The following FRMPD4 variants were observed in gnomAD, a reference collection of about 807,000 sequenced individuals.
FRMPD4 encodes FERM and PDZ domain-containing protein 4.
Under a neutral mutation model 94.1 loss-of-function variants are expected in FRMPD4, and 22 were observed. The observed-to-expected ratio is 0.23, with a 90% confidence interval of 0.17 to 0.33. The LOEUF (loss-of-function observed/expected upper bound fraction) is 0.33, where lower values mean the gene tolerates loss of function less well. Among genes scored for constraint, FRMPD4 ranks in the 10% least tolerant of loss-of-function variants. The pLI is 1.00. For missense variants in FRMPD4, 1,111 were observed against 1,339.9 expected, an observed-to-expected ratio of 0.83 and a Z score of 2.67; for synonymous variants, 631 against 548.6, an observed-to-expected ratio of 1.15 and a Z score of -2.10.
intron 3 of FRMPD4, among the ~76,000 whole-genome samples, chrX:11,963,238 C>A (rs1363424563): frequency 8.9e-6 from 1 of 112,406 alleles, no homozygotes; most frequent in Non-Finnish European, 1.9e-5. Flanking sequence ...TGTCCTCATG[C>A]ATATTCTTGT....
At chrX:12,024,400 G>A (rs917434101) in intron 3 of FRMPD4, among the ~76,000 whole-genome samples, 2 of 112,079 alleles carry the variant, frequency 1.8e-5, no homozygotes, top group Non-Finnish European at 3.8e-5. Flanking sequence ...GTCACTCAGA[G>A]AGTGAAGTTT....
intron 1 of FRMPD4, among the ~76,000 whole-genome samples, chrX:12,323,913 G>A (rs2055247641): frequency 8.9e-6 from 1 of 111,907 alleles, no homozygotes; most frequent in Admixed American, 9.5e-5. Flanking sequence ...GGAGGATGCT[G>A]TGTTTGAATC....
chrX:12,439,202 C>T (rs192686093), intron 1 of FRMPD4, among the ~76,000 whole-genome samples: 1 of 111,100 alleles, frequency 9.0e-6, no homozygotes, highest in Non-Finnish European at 1.9e-5. Flanking sequence ...TGTATGCAGC[C>T]GTTGCCTCAC....
intron 1 of FRMPD4, among the ~76,000 whole-genome samples, chrX:12,493,676 A>C (rs1451417794): frequency 8.9e-6 from 1 of 112,247 alleles, no homozygotes; most frequent in Admixed American, 9.5e-5. Context: ...CTATTAGGCT[A>C]GTTATACACC....
Position 12,717,947 on chromosome X carries a change from A to G in FRMPD4, c.3121A>G (p.Asn1041Asp), listed in dbSNP as rs754412640. The change falls in exon 16 of 17, where the codon AAT becomes GAT. Residue 1041 changes from asparagine (N) to aspartate (D), a missense_variant. By Grantham distance (23) the Asn-to-Asp change is conservative. Coordinates refer to ENST00000675598, the MANE Select transcript of FRMPD4 (RefSeq NM_001368397.1). ...LADGEGKAPPNGNTTGKKQQG... is the reference protein window; with the variant it reads ...LADGEGKAPPDGNTTGKKQQG... ...CGATGGTGAGGGGAAGGCACCCCCT[A>G]ATGGGAACACAACAGGAAAAAAACA... The G allele has an allele frequency of 8.3e-7, 1 of 1,211,225 alleles. No homozygotes were observed. The highest frequency in any genetic ancestry group is 1.8e-5 in the South Asian group (1 of 56,983).
At chrX:12,664,903 G>A (rs1000226109) in intron 4 of FRMPD4, among the ~76,000 whole-genome samples, 2 of 111,812 alleles carry the variant, frequency 1.8e-5, no homozygotes, top group Non-Finnish European at 3.8e-5. Context: ...TCTATTCCGA[G>A]ATTCGACATC....
At chrX:12,160,724 A>G (rs886912483) in intron 1 of FRMPD4, among the ~76,000 whole-genome samples, 11 of 111,643 alleles carry the variant, frequency 9.9e-5, no homozygotes, top group Non-Finnish European at 1.7e-4. Flanking sequence ...ATTCTTTAGA[A>G]TATCCCTGTG....
At chrX:11,855,015 G>A (rs1052348978) in intron 1 of FRMPD4, among the ~76,000 whole-genome samples, 2 of 111,770 alleles carry the variant, frequency 1.8e-5, no homozygotes, top group African/African-American at 3.2e-5. Context: ...TTGGACAACC[G>A]GGCATTTCCA....
At chrX:12,016,626 G>A (rs1444236138) in intron 3 of FRMPD4, among the ~76,000 whole-genome samples, 8 of 112,024 alleles carry the variant, frequency 7.1e-5, no homozygotes, top group Non-Finnish European at 1.5e-4. Flanking sequence ...ATTACATGGA[G>A]CACTATCCTT....
At chrX:12,222,264 A>G (rs776880306) in intron 1 of FRMPD4, among the ~76,000 whole-genome samples, 15 of 112,162 alleles carry the variant, frequency 1.3e-4, no homozygotes, top group African/African-American at 4.5e-4. Flanking sequence ...TCTTTTTTCC[A>G]TTTTACTTTT....
At chrX:11,903,791 G>C (rs1277477988) in intron 3 of FRMPD4, among the ~76,000 whole-genome samples, 1 of 111,243 alleles carries the variant, frequency 9.0e-6, no homozygotes. Flanking sequence ...TTTTGTTTTT[G>C]ATTTTTTAAG....
chrX:11,873,860 T>G (rs2147307914), intron 2 of FRMPD4, among the ~76,000 whole-genome samples: 1 of 111,345 alleles, frequency 9.0e-6, no homozygotes, highest in South Asian at 3.8e-4. Flanking sequence ...TTACCAAAAC[T>G]TATCTGTGAA....
intron 2 of FRMPD4, among the ~76,000 whole-genome samples, chrX:12,525,882 A>T (rs769976941): frequency 6.3e-5 from 7 of 111,978 alleles, no homozygotes; most frequent in Non-Finnish European, 1.3e-4. Flanking sequence ...GTGATTAATG[A>T]TGTTGATAAT....
chrX:11,992,424 G>C (rs1160223853), intron 3 of FRMPD4, among the ~76,000 whole-genome samples: 1 of 111,619 alleles, frequency 9.0e-6, no homozygotes, highest in African/African-American at 3.3e-5. Context: ...CTGTGGCCAT[G>C]TTTTTAGTCT....
chrX:11,971,559 A>T (rs1383468976), intron 3 of FRMPD4, among the ~76,000 whole-genome samples: 2 of 112,784 alleles, frequency 1.8e-5, no homozygotes, highest in Non-Finnish European at 3.8e-5. Flanking sequence ...AAATTAAAGA[A>T]TGACTTTGCA....
chrX:12,697,988 A>G (rs1433716339), intron 9 of FRMPD4, among the ~76,000 whole-genome samples: 1 of 112,219 alleles, frequency 8.9e-6, no homozygotes, highest in Admixed American at 9.5e-5. Context: ...TGCTACCATA[A>G]GTCTAAAATA....
chrX:11,941,171 G>C lies in FRMPD4; in HGVS notation c.95+63153G>C, dbSNP rs1381783880. The stretch of plus-strand genomic sequence containing the variant: ...CTCGCGCACGGTGCGCACACACACT[G>C]GCCTGCGCCCACTGTCTGGCACTCC... On this transcript the variant is annotated intron_variant, in intron 3 of 18. Coordinates refer to the FRMPD4 transcript ENST00000640291. 1.5e-3 allele frequency among the ~76,000 whole-genome samples: 81 copies of C among 52,856 alleles called. 9 individuals are homozygous for C. The highest frequency in any genetic ancestry group is 3.0e-3 in the African/African-American group (54 of 17,950). The allele number at this position is 52,856 out of a possible 115,157, so 45.9% of individuals were successfully genotyped here.
At chrX:12,227,762 C>T (rs2056937954) in intron 1 of FRMPD4, among the ~76,000 whole-genome samples, 1 of 109,564 alleles carries the variant, frequency 9.1e-6, no homozygotes, top group Admixed American at 9.7e-5. Flanking sequence ...GATTACACTA[C>T]TGCACTCCAG....
chrX:12,214,673 A>G (rs751287601), intron 1 of FRMPD4, among the ~76,000 whole-genome samples: 2 of 112,620 alleles, frequency 1.8e-5, no homozygotes, highest in South Asian at 7.3e-4. Context: ...TGATGTTTCC[A>G]TGAACCGATA....
Sources: allele counts gnomAD v4.1 joint callset (sites outside exome capture counted in the v4.1 genomes callset), GRCh38; gene constraint gnomAD v4.1.1; transcripts MANE v1.5; gene names NCBI Gene and HGNC (gene_info 2026-07-23, HGNC 2026-07-21).